The following LRP12 variants were observed in gnomAD, a reference collection of about 807,000 sequenced individuals.
LRP12 encodes low-density lipoprotein receptor-related protein 12.
Under a neutral mutation model 66.0 loss-of-function variants are expected in LRP12, and 14 were observed. That is an observed-to-expected ratio of 0.21 (90% confidence interval 0.14 to 0.33). The LOEUF is 0.33. LRP12 is among the 10% of genes least tolerant of loss of function. The pLI is 1.00. For missense variants in LRP12, 889 were observed against 1,053.4 expected (o/e 0.84, Z 2.16); for synonymous variants, 357 against 359.1 (o/e 0.99, Z 0.07).
intron 2 of LRP12, among the ~76,000 whole-genome samples, chr8:104,523,653 T>C (rs1032220060): frequency 6.6e-6 from 1 of 152,190 alleles, no homozygotes; most frequent in Non-Finnish European, 1.5e-5. Context: ...TTGTGTTTAG[T>C]GCAATACCAT....
chr8:104,497,861 T>C lies in LRP12; in HGVS notation c.691A>G (p.Thr231Ala), dbSNP rs1456338495. 3 of 1,614,106 alleles carry C rather than the reference T, an allele frequency of 1.9e-6. No homozygotes were observed. The highest frequency in any genetic ancestry group is 2.5e-6 in the Non-Finnish European group (3 of 1,180,046). ...CATTTTAAAGATTCGGGGAGGCAAGTGTAAACTTTGGTAAAACGGGATAAA... is the reference window on the plus strand; with the variant it reads ...CATTTTAAAGATTCGGGGAGGCAAGCGTAAACTTTGGTAAAACGGGATAAA... Reference protein sequence around the residue: ...QCLSRFTKVYTCLPESLKCDG... With the variant: ...QCLSRFTKVYACLPESLKCDG... Residue 231 changes from threonine (T) to alanine (A), a missense_variant, in exon 5 of 7, where the codon ACT (threonine) becomes GCT (alanine). Physicochemically the swap from Thr to Ala is moderately conservative, Grantham distance 58 (BLOSUM62 0). Coordinates refer to ENST00000276654, the MANE Select transcript of LRP12 (RefSeq NM_013437.5). The surrounding 1 kb of genome is among the most constrained non-coding windows in gnomAD (Gnocchi z 4.3).
intron 3 of LRP12, 135 bp downstream of exon 3, chr8:104,508,804 A>G: frequency 1.4e-6 from 1 of 720,304 alleles, no homozygotes. Context: ...GATGACACCA[A>G]TAGCTAATAG....
At chr8:104,510,459 C>T (rs1223710780) in intron 2 of LRP12, among the ~76,000 whole-genome samples, 1 of 151,952 alleles carries the variant, frequency 6.6e-6, no homozygotes, top group Non-Finnish European at 1.5e-5. Context: ...AAACTAATAC[C>T]AACACTTTCC....
intron 1 of LRP12, among the ~76,000 whole-genome samples, chr8:104,560,997 A>T (rs898174748): frequency 2.0e-5 from 3 of 152,182 alleles, no homozygotes; most frequent in African/African-American, 7.2e-5. Flanking sequence ...AAGGATCAGG[A>T]AGCCTTTTCT....
intron 2 of LRP12, among the ~76,000 whole-genome samples, chr8:104,525,439 CAG>C (rs778464587): frequency 3.9e-5 from 6 of 151,972 alleles, no homozygotes; most frequent in Non-Finnish European, 7.4e-5. Flanking sequence ...TGGAAATAAA[CAG>C]AATATTAAAA....
At chr8:104,523,908 G>T (rs1588491502) in intron 2 of LRP12, among the ~76,000 whole-genome samples, 1 of 152,024 alleles carries the variant, frequency 6.6e-6, no homozygotes, top group Non-Finnish European at 1.5e-5. Flanking sequence ...TTTCTCTTAT[G>T]ATTTTCTTAA....
chr8:104,492,394 T>C (rs773872141), intron 6 of LRP12, among the ~76,000 whole-genome samples: 31 of 152,170 alleles, frequency 2.0e-4, no homozygotes, highest in Non-Finnish European at 3.4e-4. Context: ...TTATATAAGA[T>C]AGTCTTTAAG....
intron 1 of LRP12, among the ~76,000 whole-genome samples, chr8:104,562,816 G>A (rs1239924016): frequency 1.3e-5 from 2 of 152,136 alleles, no homozygotes; most frequent in Non-Finnish European, 2.9e-5. Flanking sequence ...TTGAGGGTAG[G>A]TAGTGTAAAA....
intron 1 of LRP12, among the ~76,000 whole-genome samples, chr8:104,574,668 A>G (rs1446154049): frequency 1.3e-5 from 2 of 152,238 alleles, no homozygotes; most frequent in Non-Finnish European, 2.9e-5. Context: ...ATGGGCTGTA[A>G]GTATAAAATT....
At chr8:104,567,856 C>G (rs1812028558) in intron 1 of LRP12, among the ~76,000 whole-genome samples, 1 of 152,178 alleles carries the variant, frequency 6.6e-6, no homozygotes, top group South Asian at 2.1e-4. Context: ...CAAATATGCT[C>G]TACAGATTCC....
chr8:104,568,421 A>G (rs921175144), intron 1 of LRP12, among the ~76,000 whole-genome samples: 2 of 152,192 alleles, frequency 1.3e-5, no homozygotes, highest in Non-Finnish European at 2.9e-5. Context: ...AACTAGGTAA[A>G]CTGGACTGTC....
Position 104,588,911 on chromosome 8 carries a change from GGAGA to G in LRP12, c.-18_-15del, listed in dbSNP as rs751616436. 3 of 1,593,234 alleles carry G rather than the reference GGAGA, an allele frequency of 1.9e-6. No homozygotes were observed. The highest frequency in any genetic ancestry group is 1.7e-5 in the Admixed American group (1 of 57,498). On this transcript the variant is annotated 5_prime_UTR_variant, in exon 1 of 7. Transcript: ENST00000276654. Reference sequence around the variant, plus strand: ...GCGACAGGCCATAACCACAGCAGATGGAGAGAGAGAGGAGGAGACGGAGGAGGAG... The same window carrying G: ...GCGACAGGCCATAACCACAGCAGATGGAGAGAGGAGGAGACGGAGGAGGAG...
At chr8:104,583,022 T>C (rs1812278238) in intron 1 of LRP12, among the ~76,000 whole-genome samples, 1 of 152,046 alleles carries the variant, frequency 6.6e-6, no homozygotes, top group Non-Finnish European at 1.5e-5. Context: ...CTTATCTCTA[T>C]CAACAGGGCA....
chr8:104,560,541 T>C (rs1466075778), intron 1 of LRP12, among the ~76,000 whole-genome samples: 1 of 152,212 alleles, frequency 6.6e-6, no homozygotes, highest in Non-Finnish European at 1.5e-5. Context: ...GTATAAAGTA[T>C]ATGAGCCTTG....
At chr8:104,551,248 C>A (rs1811720677) in intron 1 of LRP12, among the ~76,000 whole-genome samples, 1 of 152,194 alleles carries the variant, frequency 6.6e-6, no homozygotes, top group Non-Finnish European at 1.5e-5. Context: ...ACAATTCTGT[C>A]TACCTTAGGA....
Position 104,495,216 on chromosome 8 carries a change from G to GAGT in LRP12, c.1581-10_1581-8dup, listed in dbSNP as rs765999298. 1.9e-6 allele frequency: 3 copies of GAGT among 1,604,560 alleles called. No homozygotes were observed. In the African/African-American group the frequency reaches 4.0e-5, roughly 22 times the overall value. On this transcript the variant is annotated splice_region_variant and splice_polypyrimidine_tract_variant and intron_variant, in intron 5 of 6. Coordinates refer to ENST00000276654, the MANE Select transcript of LRP12 (RefSeq NM_013437.5). ...CAACTGTGTTTCAAATGATCTTTGA[G>GAGT]AGTAGATGGAAAGAAAAATGATTAA... is the stretch of plus-strand genomic sequence containing the variant.
intron 1 of LRP12, among the ~76,000 whole-genome samples, chr8:104,544,428 G>A (rs1811526466): frequency 6.6e-6 from 1 of 152,186 alleles, no homozygotes; most frequent in African/African-American, 2.4e-5. Flanking sequence ...GATTCTCAAT[G>A]TAGATGAAAC....
At position 104,500,446 on chromosome 8, in the gene LRP12, G is replaced by A. The variant is rs544468139; in HGVS notation, c.273-927C>T. Among the ~76,000 whole-genome samples, 27 of 152,226 alleles carry A rather than the reference G, an allele frequency of 1.8e-4. 1 individual carries two copies. The South Asian group carries it at 5.6e-3, about 32-fold the overall frequency. On this transcript the variant is annotated intron_variant, in intron 3 of 6. Transcript: ENST00000276654. ...CTCCTGGCCGGGCATGGTGGCTCAC[G>A]CCTGTAATCCCAGCACTTTGGGACG...
chr8:104,580,448 T>C (rs937184640), intron 1 of LRP12, among the ~76,000 whole-genome samples: 10 of 150,692 alleles, frequency 6.6e-5, no homozygotes, highest in Admixed American at 5.3e-4. Flanking sequence ...GAGAATGGCA[T>C]GAACCCGCGA....
Sources: allele counts gnomAD v4.1 joint callset (sites outside exome capture counted in the v4.1 genomes callset), GRCh38; gene constraint gnomAD v4.1.1; non-coding constraint Gnocchi (gnomAD v3.1); transcripts MANE v1.5; gene names NCBI Gene and HGNC (gene_info 2026-07-23, HGNC 2026-07-21).